The following MLLT3 variants were observed in gnomAD, a reference collection of about 807,000 sequenced individuals.
MLLT3 encodes the protein protein AF-9.
In MLLT3, 4 loss-of-function variants were observed where a neutral mutation model predicts 53.2. The ratio of observed to expected loss-of-function variants is 0.08; its 90% confidence interval spans 0.04 to 0.17. MLLT3 has a LOEUF of 0.17. Ranked by LOEUF, MLLT3 falls within the 10% of genes least tolerant of loss-of-function variation. The pLI, the probability that MLLT3 is intolerant of heterozygous loss-of-function variation, is 1.00. For synonymous variants in MLLT3, 283 were observed against 230.6 expected (o/e 1.23, Z -2.06); for missense variants, 569 against 684.0 (o/e 0.83, Z 1.87).
rs565772360 is a variant in MLLT3 at position 20,529,071 on chromosome 9, TCTGA to T, written c.194-72289_194-72286del. On this transcript the variant is annotated intron_variant, in intron 2 of 10. Coordinates refer to ENST00000380338, the MANE Select transcript of MLLT3 (RefSeq NM_004529.4). ...GAGAGCCTGGATCAGGGTTATCAACTCTGACTGAACATTAAAATCATCTTGGGAC... is the reference window on the plus strand; with the variant it reads ...GAGAGCCTGGATCAGGGTTATCAACTCTGAACATTAAAATCATCTTGGGAC... 1.1e-3 allele frequency among the ~76,000 whole-genome samples: 165 copies of T among 152,332 alleles called. 2 individuals carry two copies. The highest frequency in any genetic ancestry group is 5.8e-3 in the South Asian group (28 of 4,826).
intron 2 of MLLT3, among the ~76,000 whole-genome samples, chr9:20,482,742 A>C (rs1929170): frequency 6.6e-5 from 10 of 152,076 alleles, no homozygotes; most frequent in Admixed American, 1.3e-4. Flanking sequence ...GATTGTTTTC[A>C]TTTCTTTTTT....
chr9:20,346,614 C>T, intron 10 of MLLT3, 40 bp from the exon 11 acceptor site: 1 of 1,597,294 alleles, frequency 6.3e-7, no homozygotes, highest in Non-Finnish European at 8.5e-7. Flanking sequence ...CAATACGCAG[C>T]AAACATCAAA....
At position 20,606,051 on chromosome 9, in the gene MLLT3, T is replaced by A. The variant is rs534476045; in HGVS notation, c.193+14603A>T. Among the ~76,000 whole-genome samples the A allele has an allele frequency of 9.2e-5, 14 of 152,236 alleles. No homozygotes were observed. The East Asian group carries it at 9.6e-4, about 10-fold the overall frequency. On this transcript the variant is annotated intron_variant, in intron 2 of 10. Transcript: ENST00000380338. ...GGGACTTAAACCATACTTCTTCAAA[T>A]AAAATTAAATAAATTAGTTTGCAAG...
At chr9:20,519,778 A>C (rs1818013304) in intron 2 of MLLT3, among the ~76,000 whole-genome samples, 1 of 152,242 alleles carries the variant, frequency 6.6e-6, no homozygotes, top group Non-Finnish European at 1.5e-5. Context: ...CCATTGTGGA[A>C]GACAGTGTGG....
intron 2 of MLLT3, among the ~76,000 whole-genome samples, chr9:20,522,673 C>T (rs929341135): frequency 8.6e-6 from 1 of 116,598 alleles, no homozygotes; most frequent in Non-Finnish European, 1.8e-5. Context: ...AGAATAAAAA[C>T]AGTTGTTTTT....
chr9:20,481,367 C>A (rs1191272570), intron 2 of MLLT3, among the ~76,000 whole-genome samples: 1 of 152,186 alleles, frequency 6.6e-6, no homozygotes. Context: ...ACCTGAAGGA[C>A]CTCAGACCAA....
chr9:20,391,641 TC>T (rs1397029617), intron 5 of MLLT3, among the ~76,000 whole-genome samples: 1 of 152,230 alleles, frequency 6.6e-6, no homozygotes, highest in African/African-American at 2.4e-5. Context: ...GTTTATCTGT[TC>T]CTGATCCACT....
chr9:20,591,219 G>C (rs996634095), intron 2 of MLLT3, among the ~76,000 whole-genome samples: 3 of 151,966 alleles, frequency 2.0e-5, no homozygotes, highest in Non-Finnish European at 2.9e-5. Flanking sequence ...AGTTTACTGG[G>C]GGCCTGACAC....
chr9:20,503,940 T>C (rs1353676600), intron 2 of MLLT3, among the ~76,000 whole-genome samples: 1 of 151,984 alleles, frequency 6.6e-6, no homozygotes, highest in Non-Finnish European at 1.5e-5. Flanking sequence ...AGGCAACAGG[T>C]GTATGAAAAA....
intron 2 of MLLT3, among the ~76,000 whole-genome samples, chr9:20,600,654 T>C (rs960677690): frequency 2.6e-5 from 4 of 152,192 alleles, no homozygotes; most frequent in African/African-American, 9.6e-5. Flanking sequence ...AAATCCTTAC[T>C]CAGAAGCTTC....
intron 2 of MLLT3, among the ~76,000 whole-genome samples, chr9:20,564,099 A>G (rs1375011816): frequency 6.6e-6 from 1 of 152,160 alleles, no homozygotes; most frequent in Non-Finnish European, 1.5e-5. Flanking sequence ...TTCTAAATAT[A>G]CGGGCCTATC....
chr9:20,597,681 G>T (rs564721368), intron 2 of MLLT3, among the ~76,000 whole-genome samples: 1 of 152,064 alleles, frequency 6.6e-6, no homozygotes, highest in Non-Finnish European at 1.5e-5. Flanking sequence ...AAGTTTTAGC[G>T]TCTTGTAATT....
At chr9:20,608,366 C>T (rs77740079) in intron 2 of MLLT3, among the ~76,000 whole-genome samples, 1,941 of 151,862 alleles carry the variant, frequency 0.013, 44 homozygotes, top group African/African-American at 0.045. Flanking sequence ...ATCAAAACTC[C>T]ACAGGAAAAA....
At chr9:20,386,203 G>C (rs930760089) in intron 5 of MLLT3, among the ~76,000 whole-genome samples, 4 of 152,192 alleles carry the variant, frequency 2.6e-5, no homozygotes, top group African/African-American at 9.6e-5. Context: ...TGCAATTAGA[G>C]TAAGTAAATA....
intron 2 of MLLT3, among the ~76,000 whole-genome samples, chr9:20,556,180 A>G (rs73648227): frequency 0.051 from 7,725 of 152,298 alleles, 291 homozygotes; most frequent in Middle Eastern, 0.11. Context: ...TTTTTTATCA[A>G]TCATTTATCA....
intron 4 of MLLT3, among the ~76,000 whole-genome samples, chr9:20,417,326 T>G (rs1346723762): frequency 6.8e-6 from 1 of 148,006 alleles, no homozygotes; most frequent in African/African-American, 2.5e-5. Flanking sequence ...CTTTCGCTGA[T>G]TTTCAGCCTA....
intron 2 of MLLT3, among the ~76,000 whole-genome samples, chr9:20,601,616 C>G (rs1224292964): frequency 6.6e-6 from 1 of 152,116 alleles, no homozygotes; most frequent in Non-Finnish European, 1.5e-5. Flanking sequence ...AAACTGCAAA[C>G]AGAAAGAAGT....
In MLLT3 at chr9:20,342,834, G is replaced by GTATA. The variant is rs34950474; in HGVS notation, c.*3605_*3608dup. On this transcript the variant is annotated 3_prime_UTR_variant, in exon 11 of 11. Coordinates refer to ENST00000380338, the MANE Select transcript of MLLT3 (RefSeq NM_004529.4). ...AAGATTACTCTGATAATATATATGT[G>GTATA]TATATATATATATATATGTATATAT... 0.01 allele frequency: 1,678 copies of GTATA among 166,464 alleles called. 29 individuals are homozygous for GTATA. The highest frequency in any genetic ancestry group is 0.057 in the South Asian group (271 of 4,782). The allele number at this position is 166,464 out of a possible 1,614,324, so 10.3% of individuals were successfully genotyped here. A position where few individuals can be genotyped will look rare whatever the true frequency, so the allele number is the denominator to read the frequency against.
chr9:20,510,862 G>T (rs1464549902), intron 2 of MLLT3, among the ~76,000 whole-genome samples: 1 of 152,080 alleles, frequency 6.6e-6, no homozygotes, highest in Non-Finnish European at 1.5e-5. Context: ...AGCATTTAAA[G>T]ATATGTACTC....
Sources: allele counts gnomAD v4.1 joint callset (sites outside exome capture counted in the v4.1 genomes callset), GRCh38; gene constraint gnomAD v4.1.1; transcripts MANE v1.5; gene names NCBI Gene and HGNC (gene_info 2026-07-23, HGNC 2026-07-21).